The following SMURF2 variants were observed in gnomAD, a reference collection of about 807,000 sequenced individuals.
SMURF2 encodes the protein SMAD specific E3 ubiquitin protein ligase 2.
SMURF2 carries 48 observed loss-of-function variants against 109.6 expected under a neutral mutation model. The ratio of observed to expected loss-of-function variants is 0.44; its 90% CI spans 0.35 to 0.56. The LOEUF (loss-of-function observed/expected upper bound fraction) is 0.56, where lower values mean the gene tolerates loss of function less well. Among genes scored for constraint, SMURF2 ranks in the 20% least tolerant of loss-of-function variants. SMURF2 has a pLI of 0.01. For synonymous variants in SMURF2, 288 were observed against 317.1 expected (o/e 0.91, Z 0.97); for missense variants, 575 against 909.0 (o/e 0.63, Z 4.72).
rs1281060812 is a variant in SMURF2, at chr17:64,647,606, A to AGGAGGG, written c.52+14217_52+14222dup. The stretch of plus-strand genomic sequence containing the variant: ...TGATGAAGGCAAATCGCTTGAACCC[A>AGGAGGG]GGAGGGGGAGGTTGCGGTGAGCCGA... On this transcript the variant is annotated intron_variant, in intron 1 of 18. Coordinates refer to ENST00000262435, the MANE Select transcript of SMURF2 (RefSeq NM_022739.4). Among the ~76,000 whole-genome samples the AGGAGGG allele has an allele frequency of 2.0e-5, 3 of 151,486 alleles. No individual in the cohort carries two copies. The East Asian group carries it at 5.8e-4, about 29-fold the overall frequency.
At chr17:64,597,835 T>C (rs369803787) in intron 3 of SMURF2, among the ~76,000 whole-genome samples, 5 of 151,370 alleles carry the variant, frequency 3.3e-5, no homozygotes, top group East Asian at 1.9e-4. Flanking sequence ...ATAAAATACA[T>C]ATCTAGAAAC....
chr17:64,545,630 T>C lies in SMURF2; in HGVS notation c.*218A>G, dbSNP rs1555683011. The C allele has an allele frequency of 5.2e-6, 2 of 382,628 alleles. No individual in the cohort carries two copies. Among genetic ancestry groups the C allele is most frequent in the Admixed American group, 4.2e-5 (1 of 23,986 alleles). The allele number at this position is 382,628 out of a possible 1,614,324, so 23.7% of individuals were successfully genotyped here. ...ATTAAGTTTAAATAGCAGCTGAATG[T>C]GGCCTCATGGCAAAGCATAAAGACC... On this transcript the variant is annotated 3_prime_UTR_variant, in exon 19 of 19. Coordinates refer to ENST00000262435, the MANE Select transcript of SMURF2 (RefSeq NM_022739.4).
At chr17:64,629,840 AAGTCT>A (rs781905209) in intron 1 of SMURF2, among the ~76,000 whole-genome samples, 1 of 152,182 alleles carries the variant, frequency 6.6e-6, no homozygotes, top group Non-Finnish European at 1.5e-5. Flanking sequence ...AACTCATTCA[AAGTCT>A]AACAATACCT....
At chr17:64,624,105 G>A (rs1487660691) in intron 1 of SMURF2, among the ~76,000 whole-genome samples, 1 of 152,104 alleles carries the variant, frequency 6.6e-6, no homozygotes, top group African/African-American at 2.4e-5. Context: ...CAAAAATAAA[G>A]CTACAACAAA....
At chr17:64,645,803 TTTTCTTAC>T (rs1451137876) in intron 1 of SMURF2, among the ~76,000 whole-genome samples, 1 of 152,086 alleles carries the variant, frequency 6.6e-6, no homozygotes, top group Non-Finnish European at 1.5e-5. Flanking sequence ...ATGGATGGGG[TTTTCTTAC>T]TTTCAATTAC....
At chr17:64,641,227 G>A (rs1970488993) in intron 1 of SMURF2, among the ~76,000 whole-genome samples, 1 of 151,856 alleles carries the variant, frequency 6.6e-6, no homozygotes, top group Non-Finnish European at 1.5e-5. Context: ...AAATTTTTAT[G>A]CCATTTGTTA....
At chr17:64,591,380 G>A (rs782395751) in intron 4 of SMURF2, among the ~76,000 whole-genome samples, 4 of 152,088 alleles carry the variant, frequency 2.6e-5, no homozygotes, top group Admixed American at 6.6e-5. Flanking sequence ...TTGGTCTTAA[G>A]GAATTTATCC....
chr17:64,622,591 A>G (rs1256381812), intron 1 of SMURF2, among the ~76,000 whole-genome samples: 1 of 152,132 alleles, frequency 6.6e-6, no homozygotes, highest in South Asian at 2.1e-4. Context: ...CTAACTTCTC[A>G]TGATTAGACG....
At chr17:64,560,837 GTACCTGTA>G (rs1462823368) in intron 12 of SMURF2, 5 of 150,784 alleles carry the variant, frequency 3.3e-5, no homozygotes, top group Non-Finnish European at 7.4e-5. Context: ...GTGGTGGCTT[GTACCTGTA>G]GTCCCAGCTA....
At position 64,563,064 on chromosome 17, in the gene SMURF2, T is replaced by G. The variant is rs1272943960; in HGVS notation, c.1017-98A>C. 5.5e-6 allele frequency: 6 copies of G among 1,100,818 alleles called. No individual in the cohort carries two copies. In the African/African-American group the frequency reaches 9.5e-5, roughly 17 times the overall value. The allele number at this position is 1,100,818 out of a possible 1,614,324, so 68.2% of individuals were successfully genotyped here. A position where few individuals can be genotyped will look rare whatever the true frequency, so the allele number is the denominator to read the frequency against. The stretch of plus-strand genomic sequence containing the variant: ...CATCATATTATAAAGCAAGTCTAGC[T>G]CTATCATTTTCCAAGCCTTAGTAGA... On this transcript the variant is annotated intron_variant, in intron 10 of 18. Transcript: ENST00000262435.
chr17:64,621,799 G>A (rs1970206250), intron 1 of SMURF2, among the ~76,000 whole-genome samples: 1 of 150,814 alleles, frequency 6.6e-6, no homozygotes, highest in South Asian at 2.1e-4. Context: ...GCTTGAACCG[G>A]GACCCGGGAG....
intron 12 of SMURF2, among the ~76,000 whole-genome samples, chr17:64,559,740 CA>C (rs34385253): frequency 6.3e-4 from 89 of 141,474 alleles, no homozygotes; most frequent in South Asian, 6.7e-4. Flanking sequence ...CTGTTTCTAC[CA>C]AAAAAAAAAA....
chr17:64,583,025 AG>A (rs1378292691), intron 7 of SMURF2, among the ~76,000 whole-genome samples: 1 of 151,998 alleles, frequency 6.6e-6, no homozygotes, highest in Non-Finnish European at 1.5e-5. Flanking sequence ...CCACGTCCCA[AG>A]TAGCTGGGAC....
At chr17:64,652,082 A>AAG (rs1182970203) in intron 1 of SMURF2, among the ~76,000 whole-genome samples, 1 of 152,206 alleles carries the variant, frequency 6.6e-6, no homozygotes, top group Admixed American at 6.5e-5. Context: ...CACTTACGTT[A>AAG]AGTCATGGTT....
At chr17:64,649,480 ATAG>A (rs1331082040) in intron 1 of SMURF2, among the ~76,000 whole-genome samples, 1 of 152,222 alleles carries the variant, frequency 6.6e-6, no homozygotes, top group Non-Finnish European at 1.5e-5. Flanking sequence ...ACAGAGAAGT[ATAG>A]TTAATCGGTT....
intron 1 of SMURF2, among the ~76,000 whole-genome samples, chr17:64,661,138 C>T (rs1970769567): frequency 6.6e-6 from 1 of 152,056 alleles, no homozygotes; most frequent in African/African-American, 2.4e-5. Flanking sequence ...ACAAGTTCTG[C>T]GGCCTAAAAG....
chr17:64,573,276 GGGA>G (rs1382046518), intron 9 of SMURF2, among the ~76,000 whole-genome samples: 19 of 67,272 alleles, frequency 2.8e-4, no homozygotes, highest in East Asian at 2.4e-3. Context: ...GAGGAGGAGG[GGGA>G]GGAGGAGGAG....
chr17:64,624,415 C>T (rs1031303121), intron 1 of SMURF2, among the ~76,000 whole-genome samples: 2 of 150,910 alleles, frequency 1.3e-5, no homozygotes, highest in Non-Finnish European at 3.0e-5. Context: ...CTCACTGCAG[C>T]CTCCGCCTCC....
At chr17:64,551,029 G>A (rs1555683565) in intron 16 of SMURF2, among the ~76,000 whole-genome samples, 1 of 151,996 alleles carries the variant, frequency 6.6e-6, no homozygotes, top group East Asian at 1.9e-4. Flanking sequence ...GAAAGTACAG[G>A]ATAGAAAAAT....
Sources: gnomAD v4.1 joint callset for allele counts (sites outside exome capture counted in the v4.1 genomes callset) on GRCh38, gnomAD v4.1.1 for gene constraint, MANE v1.5 for transcripts, NCBI Gene and HGNC (gene_info 2026-07-23, HGNC 2026-07-21) for gene names.